Variants in ITPR1 observed in about 807,000 individuals in gnomAD.
The protein encoded by ITPR1 is inositol 1,4,5-trisphosphate-gated calcium channel ITPR1.
A neutral mutation model predicts 318.4 loss-of-function variants in ITPR1; 96 were observed. That is an observed-to-expected ratio of 0.30 (90% CI 0.26 to 0.36). The LOEUF (loss-of-function observed/expected upper bound fraction) is 0.36. Among genes scored for constraint, ITPR1 ranks in the 10% least tolerant of loss-of-function variants. The probability of loss-of-function intolerance (pLI) is 1.00; values close to 1 mark genes in which losing one functional copy is unlikely to be tolerated. For missense variants in ITPR1, 2,440 were observed against 3,460.2 expected, an observed-to-expected ratio of 0.71 and a Z score of 7.40; for synonymous variants, 1,312 against 1,289.9, an observed-to-expected ratio of 1.02 and a Z score of -0.37.
intron 44 of ITPR1, among the ~76,000 whole-genome samples, chr3:4,760,421 T>A (rs975352785): frequency 5.9e-5 from 9 of 152,236 alleles, no homozygotes; most frequent in East Asian, 3.8e-4. Flanking sequence ...TATCTTTTTT[T>A]AATTATTATT....
At chr3:4,712,346 G>C (rs1224341026) in intron 39 of ITPR1, among the ~76,000 whole-genome samples, 1 of 152,240 alleles carries the variant, frequency 6.6e-6, no homozygotes, top group Non-Finnish European at 1.5e-5. Context: ...TTCTGAGGGA[G>C]ATTGGGAAAT....
At chr3:4,706,385 C>T (rs2094757363) in intron 37 of ITPR1, 34 bp downstream of exon 37, 1 of 1,560,520 alleles carries the variant, frequency 6.4e-7, no homozygotes, top group Non-Finnish European at 8.7e-7. Context: ...TGATGCTTAG[C>T]CTGGCCTCAC....
At chr3:4,581,344 T>C (rs2089317536) in intron 4 of ITPR1, among the ~76,000 whole-genome samples, 1 of 152,228 alleles carries the variant, frequency 6.6e-6, no homozygotes, top group African/African-American at 2.4e-5. Context: ...TGCTAGTCTC[T>C]GTCCTGACTT....
chr3:4,554,703 G>C (rs2085949415), intron 4 of ITPR1, among the ~76,000 whole-genome samples: 1 of 120,924 alleles, frequency 8.3e-6, no homozygotes, highest in Non-Finnish European at 1.9e-5. Context: ...ATCATGATGG[G>C]GGCCAGTGAC....
rs2043046768 is a variant in ITPR1, at chr3:4,733,186, G to A, written c.5319G>A (p.Leu1773=). The change falls in exon 43 of 62, where the codon CTG becomes CTA. Residue 1773 remains leucine, a synonymous_variant. Transcript: ENST00000649015. Reference sequence around the variant, plus strand: ...TTACCAGCTTTGGCAATGGCCCACTGTCAGCAGGAGGACCCGGCAAGCCCG... The same window carrying A: ...TTACCAGCTTTGGCAATGGCCCACTATCAGCAGGAGGACCCGGCAAGCCCG... ...ESLTSFGNGP[L]SAGGPGKPGG... is the part of the protein sequence containing the mutation. The A allele has an allele frequency of 6.2e-7, 1 of 1,614,050 alleles. No homozygotes were observed. Among genetic ancestry groups the A allele is most frequent in the Non-Finnish European group, 8.5e-7 (1 of 1,179,892 alleles).
At chr3:4,835,517 C>T (rs1425007928) in intron 60 of ITPR1, among the ~76,000 whole-genome samples, 8 of 152,186 alleles carry the variant, frequency 5.3e-5, no homozygotes, top group Non-Finnish European at 1.0e-4. Flanking sequence ...AAAATGTCGC[C>T]GACCCCCACG....
At chr3:4,506,466 G>C (rs752178708) in intron 2 of ITPR1, among the ~76,000 whole-genome samples, 31 of 151,988 alleles carry the variant, frequency 2.0e-4, no homozygotes, top group Non-Finnish European at 3.7e-4. Flanking sequence ...TTTCTGACCA[G>C]CCAAAATTGC....
chr3:4,568,741 A>G (rs1288907261), intron 4 of ITPR1, among the ~76,000 whole-genome samples: 1 of 152,200 alleles, frequency 6.6e-6, no homozygotes, highest in Non-Finnish European at 1.5e-5. Flanking sequence ...TCAGGCGGAT[A>G]TGGTTCCAGA....
At position 4,638,096 on chromosome 3, in the gene ITPR1, A is replaced by G. The variant is rs1477971750; in HGVS notation, c.280-1288A>G. 2.6e-5 allele frequency among the ~76,000 whole-genome samples: 4 copies of G among 152,272 alleles called. No homozygotes were observed. The East Asian group carries it at 7.7e-4, about 29-fold the overall frequency. On this transcript the variant is annotated intron_variant, in intron 5 of 61. Transcript: ENST00000649015. ...GGACAAGATAATGAAGCCGGTAGGT[A>G]GGCGACCCAAGACCACGTCCAGAAG... is the stretch of plus-strand genomic sequence containing the variant.
At chr3:4,632,363 T>C (rs934595056) in intron 5 of ITPR1, among the ~76,000 whole-genome samples, 1 of 152,040 alleles carries the variant, frequency 6.6e-6, no homozygotes, top group African/African-American at 2.4e-5. Context: ...ACCACAGGGG[T>C]TGTAAATTCA....
At chr3:4,553,190 A>G (rs916227889) in intron 4 of ITPR1, among the ~76,000 whole-genome samples, 6 of 152,198 alleles carry the variant, frequency 3.9e-5, no homozygotes, top group African/African-American at 2.4e-5. Flanking sequence ...GAGAAGGCAT[A>G]TTAAGCCGGG....
intron 4 of ITPR1, among the ~76,000 whole-genome samples, chr3:4,611,612 G>T (rs543227063): frequency 5.8e-4 from 78 of 135,472 alleles, no homozygotes; most frequent in Non-Finnish European, 1.0e-3. Flanking sequence ...AGGTGTCGTG[G>T]CATGTGCGTG....
rs1475028169 is a variant in ITPR1, at chr3:4,683,786, T to C, written c.3486T>C (p.His1162=). The C allele has an allele frequency of 2.5e-6, 4 of 1,613,432 alleles. No homozygotes were observed. In the African/African-American group the frequency reaches 4.0e-5, roughly 16 times the overall value. ...TMDGASGENE[H]KKTEEGNNKP... is the part of the protein sequence containing the mutation. ...ATGGTGCATCTGGAGAAAATGAACATAAGAAAACGGAGGTGAGTGAAACAC... is the reference window on the plus strand; with the variant it reads ...ATGGTGCATCTGGAGAAAATGAACACAAGAAAACGGAGGTGAGTGAAACAC... Residue 1162 remains histidine (H), a synonymous_variant, in exon 28 of 62, where the codon CAT becomes CAC. Transcript: ENST00000649015.
chr3:4,707,786 G>C (rs902164622), intron 37 of ITPR1, among the ~76,000 whole-genome samples: 1 of 152,096 alleles, frequency 6.6e-6, no homozygotes, highest in Non-Finnish European at 1.5e-5. Flanking sequence ...TATTATTACT[G>C]TTGTTTACTG....
intron 55 of ITPR1, among the ~76,000 whole-genome samples, chr3:4,808,872 C>A (rs2048757856): frequency 6.6e-6 from 1 of 152,144 alleles, no homozygotes; most frequent in South Asian, 2.1e-4. Context: ...CCCTCCCCCA[C>A]AAAGACTGGC....
At chr3:4,614,000 A>G (rs2092280057) in intron 4 of ITPR1, among the ~76,000 whole-genome samples, 1 of 152,148 alleles carries the variant, frequency 6.6e-6, no homozygotes, top group African/African-American at 2.4e-5. Flanking sequence ...CACTGTTTTA[A>G]TGCTGTCACT....
intron 4 of ITPR1, among the ~76,000 whole-genome samples, chr3:4,528,321 C>T (rs1004461255): frequency 5.9e-5 from 9 of 152,168 alleles, no homozygotes; most frequent in Non-Finnish European, 1.2e-4. Context: ...GATTACAGGT[C>T]TCTTTGTCAA....
At chr3:4,508,838 G>C (rs1371782764) in intron 2 of ITPR1, among the ~76,000 whole-genome samples, 2 of 152,088 alleles carry the variant, frequency 1.3e-5, no homozygotes, top group African/African-American at 4.8e-5. Context: ...TTGTGAGTTT[G>C]GGTACTGAAA....
chr3:4,509,209 A>T (rs1311810483), intron 2 of ITPR1, among the ~76,000 whole-genome samples: 1 of 152,156 alleles, frequency 6.6e-6, no homozygotes, highest in Non-Finnish European at 1.5e-5. Flanking sequence ...GAAGTTATGG[A>T]AGTTGCTTAA....
Sources: gnomAD v4.1 joint callset for allele counts (sites outside exome capture counted in the v4.1 genomes callset) on GRCh38, gnomAD v4.1.1 for gene constraint, MANE v1.5 for transcripts, NCBI Gene and HGNC (gene_info 2026-07-23, HGNC 2026-07-21) for gene names.